Variants in RNF17 observed in about 807,000 individuals in gnomAD.
RNF17 encodes the protein ring finger protein 17.
In RNF17, 31 loss-of-function variants were observed where a neutral mutation model predicts 200.5. The ratio of observed to expected loss-of-function variants is 0.15; its 90% CI spans 0.12 to 0.21. The LOEUF is 0.21. Ranked by LOEUF, RNF17 falls within the 10% of genes least tolerant of loss-of-function variation. RNF17 has a pLI of 1.00. For synonymous variants in RNF17, 606 were observed against 637.8 expected (o/e 0.95, Z 0.75); for missense variants, 1,628 against 1,905.1 (o/e 0.85, Z 2.71).
intron 27 of RNF17, among the ~76,000 whole-genome samples, chr13:24,862,487 C>G (rs534758928): frequency 4.2e-4 from 64 of 152,200 alleles, no homozygotes; most frequent in Admixed American, 7.9e-4. Flanking sequence ...TTTCTCACCT[C>G]TGGCTGAACA....
Position 24,868,732 on chromosome 13 carries a change from G to C in RNF17, c.4278+16G>C. The C allele has an allele frequency of 7.9e-7, 1 of 1,258,794 alleles. No homozygotes were observed. The allele number at this position is 1,258,794 out of a possible 1,614,324, so 78.0% of individuals were successfully genotyped here. A position where few individuals can be genotyped will look rare whatever the true frequency, so the allele number is the denominator to read the frequency against. On this transcript the variant is annotated intron_variant, in intron 31 of 35. Coordinates refer to ENST00000255324, the MANE Select transcript of RNF17 (RefSeq NM_031277.3). ...ACCTAATGAAGTATGTGATCTAAAT[G>C]ATTAGTTGGTGATTAAAAATGTAAC... is the stretch of plus-strand genomic sequence containing the variant.
intron 15 of RNF17, chr13:24,824,051 A>G (rs555387423): frequency 3.4e-6 from 2 of 589,256 alleles, no homozygotes; most frequent in Non-Finnish European, 6.1e-6. Context: ...CTGGACTGCC[A>G]CTGCTTAAGA....
At chr13:24,815,438 T>G (rs1320483056) in intron 15 of RNF17, among the ~76,000 whole-genome samples, 19 of 82,052 alleles carry the variant, frequency 2.3e-4, no homozygotes, top group African/African-American at 8.1e-4. Context: ...GGTGTGTGTG[T>G]GTGTGTGTGT....
chr13:24,872,339 T>G (rs1246150676), intron 32 of RNF17, among the ~76,000 whole-genome samples: 1 of 152,188 alleles, frequency 6.6e-6, no homozygotes, highest in Non-Finnish European at 1.5e-5. Context: ...TATTCATTAG[T>G]CAAGTATTTT....
At chr13:24,806,869 A>T (rs892652953) in intron 15 of RNF17, among the ~76,000 whole-genome samples, 1 of 144,918 alleles carries the variant, frequency 6.9e-6, no homozygotes, top group Non-Finnish European at 1.5e-5. Context: ...TCATTGTTCA[A>T]TTCCCACCTA....
chr13:24,781,318 G>A (rs929994909), intron 5 of RNF17, among the ~76,000 whole-genome samples: 1 of 151,860 alleles, frequency 6.6e-6, no homozygotes, highest in East Asian at 1.9e-4. Context: ...TTTAGGTCTT[G>A]TTGCCACATT....
intron 16 of RNF17, among the ~76,000 whole-genome samples, chr13:24,830,203 A>G (rs1011462548): frequency 1.3e-5 from 2 of 152,174 alleles, no homozygotes; most frequent in African/African-American, 4.8e-5. Flanking sequence ...TCAAAGCCTG[A>G]TTCTTAACTT....
At chr13:24,758,798 T>C in the RNF17 span, among the ~76,000 whole-genome samples, 2 of 152,078 alleles carry the variant, frequency 1.3e-5, no homozygotes, top group Non-Finnish European at 2.9e-5. Flanking sequence ...TACCTTCGGC[T>C]GGGCGCGGTG....
chr13:24,788,224 AT>A lies in RNF17; in HGVS notation c.783+68del, dbSNP rs1593252413. 1.2e-5 allele frequency: 15 copies of A among 1,253,758 alleles called. No individual in the cohort carries two copies. In the East Asian group the frequency reaches 3.7e-4, roughly 31 times the overall value. 77.7% of individuals were successfully genotyped at this position (1,253,758 alleles called of 1,614,324 possible). ...GCTTATTTTACATGCTTTGGAATATATTTAAGACAAGAATTTGTTTTTCAGA... is the reference window on the plus strand; with the variant it reads ...GCTTATTTTACATGCTTTGGAATATATTAAGACAAGAATTTGTTTTTCAGA... On this transcript the variant is annotated intron_variant, in intron 7 of 35. Transcript: ENST00000255324.
chr13:24,772,735 C>A (rs1397324757), intron 2 of RNF17, among the ~76,000 whole-genome samples: 4 of 151,882 alleles, frequency 2.6e-5, no homozygotes, highest in Non-Finnish European at 4.4e-5. Context: ...CTCAGCCTCT[C>A]GAGCAGCTGG....
intron 32 of RNF17, among the ~76,000 whole-genome samples, chr13:24,873,383 T>C (rs901873441): frequency 2.0e-5 from 3 of 152,236 alleles, no homozygotes; most frequent in Admixed American, 6.5e-5. Context: ...TAATTCTGGA[T>C]TGTGAGCCTA....
chr13:24,824,135 A>C, intron 15 of RNF17: 1 of 704,212 alleles, frequency 1.4e-6, no homozygotes, highest in Non-Finnish European at 2.6e-6. Context: ...CCTACCATTT[A>C]GAAAATTGCT....
rs1327494445 is a variant in RNF17 at position 24,850,497 on chromosome 13, T to C, written c.3204+54T>C. On this transcript the variant is annotated intron_variant, in intron 23 of 35. Transcript: ENST00000255324. ...TGATCTCATTAATGTTTCCATCGATTCCATTTATTTTCTTTCTTGTAGAGA... is the reference window on the plus strand; with the variant it reads ...TGATCTCATTAATGTTTCCATCGATCCCATTTATTTTCTTTCTTGTAGAGA... 3 of 1,122,964 alleles carry C rather than the reference T, an allele frequency of 2.7e-6. No homozygotes were observed. In the African/African-American group the frequency reaches 4.6e-5, roughly 17 times the overall value. The allele number at this position is 1,122,964 out of a possible 1,614,324, so 69.6% of individuals were successfully genotyped here.
At chr13:24,795,843 C>T (rs551419459) in intron 10 of RNF17, among the ~76,000 whole-genome samples, 48 of 152,240 alleles carry the variant, frequency 3.2e-4, no homozygotes, top group South Asian at 6.2e-4. Flanking sequence ...ACAGCATATA[C>T]GTTGACTTTA....
intron 1 of RNF17, among the ~76,000 whole-genome samples, 173 bp from the exon 2 acceptor site, chr13:24,767,099 C>CACACCTA (rs1390281873): frequency 6.6e-6 from 1 of 152,084 alleles, no homozygotes; most frequent in Non-Finnish European, 1.5e-5. Flanking sequence ...TGTGTTGGGA[C>CACACCTA]ACACCTATAG....
chr13:24,806,695 T>G (rs1342830349), intron 15 of RNF17, among the ~76,000 whole-genome samples: 1 of 152,096 alleles, frequency 6.6e-6, no homozygotes, highest in East Asian at 1.9e-4. Flanking sequence ...ATGTGCACAA[T>G]GTGCAGGTTA....
intron 15 of RNF17, among the ~76,000 whole-genome samples, chr13:24,808,431 T>C (rs1387647940): frequency 7.2e-6 from 1 of 139,112 alleles, no homozygotes; most frequent in East Asian, 2.2e-4. Context: ...TCACTCATGA[T>C]TTGGCTCTCT....
At chr13:24,804,835 G>C (rs1468044553) in intron 15 of RNF17, among the ~76,000 whole-genome samples, 2 of 152,160 alleles carry the variant, frequency 1.3e-5, no homozygotes, top group Admixed American at 6.5e-5. Flanking sequence ...CTTTGGATGT[G>C]TGACTGATGT....
the RNF17 span, chr13:24,885,523 T>C: frequency 1.6e-6 from 2 of 1,241,586 alleles, no homozygotes; most frequent in Middle Eastern, 1.9e-4. Context: ...TTACACGTGG[T>C]TTAGAAACGT....
Sources: allele counts gnomAD v4.1 joint callset (sites outside exome capture counted in the v4.1 genomes callset), GRCh38; gene constraint gnomAD v4.1.1; transcripts MANE v1.5; gene names NCBI Gene and HGNC (gene_info 2026-07-23, HGNC 2026-07-21).